STYX: variants seen among roughly 807,000 people sequenced by gnomAD.
The protein encoded by STYX is serine/threonine/tyrosine-interacting protein.
Under a neutral mutation model 42.7 loss-of-function variants are expected in STYX, and 20 were observed. The ratio of observed to expected loss-of-function variants is 0.47; its 90% CI spans 0.33 to 0.68. STYX has a LOEUF of 0.68. Among genes scored for constraint, STYX ranks in the 30% least tolerant of loss-of-function variants. STYX has a pLI of 0.02. For synonymous variants in STYX, 78 were observed against 81.9 expected (o/e 0.95, Z 0.26); for missense variants, 226 against 268.5 (o/e 0.84, Z 1.11).
At chr14:52,754,224 T>G (rs1881758000) in intron 4 of STYX, among the ~76,000 whole-genome samples, 1 of 152,036 alleles carries the variant, frequency 6.6e-6, no homozygotes, top group Non-Finnish European at 1.5e-5. Context: ...TACTTTTTTT[T>G]TTTTCAAAGA....
At chr14:52,752,868 TTTTTG>T (rs1290795288) in intron 4 of STYX, among the ~76,000 whole-genome samples, 1 of 140,066 alleles carries the variant, frequency 7.1e-6, no homozygotes, top group African/African-American at 2.7e-5. Context: ...ATTTTGTTTT[TTTTTG>T]TTGTTGTTGT....
rs371783007 is a variant in STYX at position 52,739,951 on chromosome 14, A to G, written c.58-4901A>G. ...GCTACCATACCTGGCTAAAAAACTCATATATAAAAAGATTACCATAACACA... is the reference window on the plus strand; with the variant it reads ...GCTACCATACCTGGCTAAAAAACTCGTATATAAAAAGATTACCATAACACA... On this transcript the variant is annotated intron_variant, in intron 1 of 10. Transcript: ENST00000354586. Among the ~76,000 whole-genome samples the G allele has an allele frequency of 7.9e-4, 120 of 152,124 alleles. 2 individuals are homozygous for G. The South Asian group carries it at 0.011, about 14-fold the overall frequency.
chr14:52,763,706 T>TATAC (rs1882188322), intron 9 of STYX, among the ~76,000 whole-genome samples: 1 of 152,152 alleles, frequency 6.6e-6, no homozygotes, highest in African/African-American at 2.4e-5. Context: ...AGTACTTGTA[T>TATAC]TTTTTGATGT....
chr14:52,757,077 A>T (rs760133506), intron 5 of STYX, among the ~76,000 whole-genome samples: 1 of 152,118 alleles, frequency 6.6e-6, no homozygotes, highest in Non-Finnish European at 1.5e-5. Flanking sequence ...TTTGTAGAAA[A>T]TTTTTTATGA....
chr14:52,734,073 A>T (rs530303142), intron 1 of STYX, among the ~76,000 whole-genome samples: 1 of 152,204 alleles, frequency 6.6e-6, no homozygotes, highest in African/African-American at 2.4e-5. Flanking sequence ...GACAGCGACC[A>T]TTCAGTGGCT....
intron 1 of STYX, 117 bp downstream of exon 1, chr14:52,730,648 G>T: frequency 3.5e-6 from 4 of 1,156,062 alleles, no homozygotes; most frequent in Non-Finnish European, 4.9e-6. Context: ...CCTCCTAAGG[G>T]CGTCCCGGGA....
At chr14:52,759,637 T>G in intron 8 of STYX, 45 bp from the exon 9 acceptor site, 1 of 1,299,126 alleles carries the variant, frequency 7.7e-7, no homozygotes, top group Non-Finnish European at 1.1e-6. Flanking sequence ...TATGATTAAT[T>G]CATTAAATAA....
chr14:52,745,112 G>T (rs562425465), intron 2 of STYX, among the ~76,000 whole-genome samples: 153 of 138,828 alleles, frequency 1.1e-3, no homozygotes, highest in African/African-American at 3.5e-3. Context: ...CTTTCTCTTG[G>T]TTTTTTTTTT....
intron 9 of STYX, 102 bp downstream of exon 9, chr14:52,759,856 A>G (rs2139923206): frequency 1.4e-6 from 1 of 716,102 alleles, no homozygotes; most frequent in Non-Finnish European, 2.3e-6. Flanking sequence ...TAAAATTGCC[A>G]TAATCTGACT....
chr14:52,743,203 A>T (rs1350336310), intron 1 of STYX, among the ~76,000 whole-genome samples: 1 of 145,886 alleles, frequency 6.9e-6, no homozygotes, highest in Admixed American at 6.8e-5. Flanking sequence ...TCTCTTAGTT[A>T]AAAAAAAAAA....
chr14:52,762,402 C>T (rs1280463748), intron 9 of STYX, among the ~76,000 whole-genome samples: 2 of 152,108 alleles, frequency 1.3e-5, no homozygotes, highest in Non-Finnish European at 2.9e-5. Flanking sequence ...AATATGGTGA[C>T]TTGAGTTACT....
chr14:52,756,476 A>C, intron 4 of STYX, 75 bp from the exon 5 acceptor site: 2 of 862,632 alleles, frequency 2.3e-6, no homozygotes, highest in Non-Finnish European at 3.7e-6. Context: ...TTAACAAGAA[A>C]TAATGAGTTA....
chr14:52,748,372 G>GCA (rs1182365774), intron 3 of STYX, among the ~76,000 whole-genome samples: 3 of 152,132 alleles, frequency 2.0e-5, no homozygotes, highest in Non-Finnish European at 2.9e-5. Context: ...AGGACTACGG[G>GCA]CACACACCAC....
chr14:52,744,849 C>A lies in STYX; in HGVS notation c.58-3C>A, dbSNP rs766540540. On this transcript the variant is annotated splice_region_variant and splice_polypyrimidine_tract_variant and intron_variant, in intron 1 of 10. Transcript: ENST00000354586. Reference sequence around the variant, plus strand: ...ACTTTTATTCTTATGTTTTCCTTCCCAGGAGTGGACCTACCCTATGAGACG... The same window carrying A: ...ACTTTTATTCTTATGTTTTCCTTCCAAGGAGTGGACCTACCCTATGAGACG... The A allele has an allele frequency of 8.7e-6, 14 of 1,612,856 alleles. No homozygotes were observed. Among genetic ancestry groups the A allele is most frequent in the African/African-American group, 1.3e-5 (1 of 74,818 alleles).
intron 9 of STYX, among the ~76,000 whole-genome samples, chr14:52,763,566 T>C (rs1882183954): frequency 6.6e-6 from 1 of 152,232 alleles, no homozygotes; most frequent in Non-Finnish European, 1.5e-5. Flanking sequence ...TATTCTGTGA[T>C]TTCAGTTTTG....
At chr14:52,753,124 C>G (rs1881698871) in intron 4 of STYX, among the ~76,000 whole-genome samples, 1 of 148,672 alleles carries the variant, frequency 6.7e-6, no homozygotes, top group Non-Finnish European at 1.5e-5. Flanking sequence ...GATCTCGGCT[C>G]ACTGCATCCT....
At chr14:52,759,424 T>G (rs1882003342) in intron 8 of STYX, among the ~76,000 whole-genome samples, 1 of 152,198 alleles carries the variant, frequency 6.6e-6, no homozygotes, top group Non-Finnish European at 1.5e-5. Context: ...CTGGCCACTT[T>G]ACACTTACCT....
chr14:52,758,936 A>G (rs1211684216), intron 8 of STYX, among the ~76,000 whole-genome samples: 1 of 152,128 alleles, frequency 6.6e-6, no homozygotes, highest in African/African-American at 2.4e-5. Context: ...TGTTTTATAT[A>G]TTGTTTTTAT....
chr14:52,752,926 G>A (rs1468932134), intron 4 of STYX, among the ~76,000 whole-genome samples: 14 of 143,848 alleles, frequency 9.7e-5, no homozygotes, highest in African/African-American at 3.1e-4. Flanking sequence ...TGTCACCCAG[G>A]CTGGAGTGCA....
Sources: allele counts gnomAD v4.1 joint callset (sites outside exome capture counted in the v4.1 genomes callset), GRCh38; gene constraint gnomAD v4.1.1; transcripts MANE v1.5; gene names NCBI Gene and HGNC (gene_info 2026-07-23, HGNC 2026-07-21).